NELL1: variants seen among roughly 807,000 people sequenced by gnomAD.
NELL1 encodes the protein protein kinase C-binding protein NELL1.
In NELL1, 76 loss-of-function variants were observed where a neutral mutation model predicts 107.4. That is an observed-to-expected ratio of 0.71 (90% CI 0.59 to 0.86). NELL1 has a LOEUF of 0.86. Ranked by LOEUF, NELL1 falls within the 40% of genes least tolerant of loss-of-function variation. The pLI, the probability that NELL1 is intolerant of heterozygous loss-of-function variation, is 0.00. For synonymous variants in NELL1, 353 were observed against 341.2 expected (o/e 1.03, Z -0.38); for missense variants, 1,024 against 1,005.5 (o/e 1.02, Z -0.25).
At chr11:21,519,143 A>G (rs1443852434) in intron 15 of NELL1, among the ~76,000 whole-genome samples, 1 of 152,168 alleles carries the variant, frequency 6.6e-6, no homozygotes, top group Non-Finnish European at 1.5e-5. Flanking sequence ...TCATTTAACC[A>G]TGAAAGTCAA....
intron 12 of NELL1, among the ~76,000 whole-genome samples, chr11:21,108,286 T>C (rs1370388918): frequency 6.6e-6 from 1 of 152,172 alleles, no homozygotes; most frequent in African/African-American, 2.4e-5. Flanking sequence ...TTAATGATGA[T>C]GATGCCAAAT....
intron 2 of NELL1, among the ~76,000 whole-genome samples, chr11:20,694,547 G>C (rs1040685092): frequency 6.6e-6 from 1 of 151,896 alleles, no homozygotes; most frequent in Non-Finnish European, 1.5e-5. Flanking sequence ...ACTTATCTTT[G>C]TCCATTTAGT....
chr11:21,384,771 T>C (rs149117500), intron 15 of NELL1, among the ~76,000 whole-genome samples: 1,900 of 152,110 alleles, frequency 0.012, 47 homozygotes, highest in African/African-American at 0.042. Context: ...ACAAAGGACA[T>C]GAACTCATCA....
At chr11:21,343,252 TA>T (rs1850614797) in intron 14 of NELL1, among the ~76,000 whole-genome samples, 1 of 152,010 alleles carries the variant, frequency 6.6e-6, no homozygotes, top group South Asian at 2.1e-4. Flanking sequence ...TCTTAAGACT[TA>T]TATAATTCAG....
intron 2 of NELL1, among the ~76,000 whole-genome samples, chr11:20,744,269 A>G (rs1855953811): frequency 6.6e-6 from 1 of 151,446 alleles, no homozygotes; most frequent in African/African-American, 2.5e-5. Flanking sequence ...TGAAGTGCAA[A>G]CTAAAGACTT....
At chr11:20,897,416 G>A (rs1849765221) in intron 5 of NELL1, among the ~76,000 whole-genome samples, 1 of 152,162 alleles carries the variant, frequency 6.6e-6, no homozygotes, top group Non-Finnish European at 1.5e-5. Context: ...ATTAATTCAA[G>A]ATGGATTAAA....
rs573011793 is a variant in NELL1 at position 21,178,298 on chromosome 11, C to T, written c.1427-51034C>T. Among the ~76,000 whole-genome samples, 6 of 151,930 alleles carry T rather than the reference C, an allele frequency of 3.9e-5. No individual in the cohort carries two copies. The South Asian group carries it at 1.2e-3, about 31-fold the overall frequency. ...TTTAATGAGACTTGATCCTCATCTT[C>T]AAGGAATTTGTAATCTAATTGAACA... On this transcript the variant is annotated intron_variant, in intron 13 of 19. Coordinates refer to ENST00000357134, the MANE Select transcript of NELL1 (RefSeq NM_006157.5).
chr11:20,804,064 C>CAT (rs55678470), intron 3 of NELL1, among the ~76,000 whole-genome samples: 147,475 of 149,518 alleles, frequency 0.99, 72,735 homozygotes, highest in East Asian at 1. Flanking sequence ...ATTTAATAAA[C>CAT]ATATATATAT....
intron 2 of NELL1, among the ~76,000 whole-genome samples, chr11:20,754,035 G>C (rs1477999942): frequency 6.6e-6 from 1 of 152,190 alleles, no homozygotes; most frequent in Non-Finnish European, 1.5e-5. Flanking sequence ...TGATGGACCA[G>C]ACCTGAACCC....
At chr11:21,571,228 G>A (rs1857094425) in intron 18 of NELL1, among the ~76,000 whole-genome samples, 1 of 151,870 alleles carries the variant, frequency 6.6e-6, no homozygotes, top group Non-Finnish European at 1.5e-5. Flanking sequence ...AAGAAAGGAA[G>A]CTTTCAAAAC....
At chr11:21,086,321 G>A (rs1448475882) in intron 12 of NELL1, among the ~76,000 whole-genome samples, 1 of 152,034 alleles carries the variant, frequency 6.6e-6, no homozygotes, top group Admixed American at 6.6e-5. Flanking sequence ...ATTAAACAAA[G>A]TTTTTACTTT....
At chr11:21,319,097 C>T (rs1849944751) in intron 14 of NELL1, among the ~76,000 whole-genome samples, 1 of 151,630 alleles carries the variant, frequency 6.6e-6, no homozygotes. Context: ...TAAGTAGAGC[C>T]TCGTTTAACT....
intron 3 of NELL1, among the ~76,000 whole-genome samples, chr11:20,807,515 G>A (rs951483437): frequency 8.5e-5 from 13 of 152,200 alleles, no homozygotes; most frequent in African/African-American, 3.1e-4. Flanking sequence ...ACAACACTGG[G>A]TCTTGCCCAA....
chr11:21,223,409 G>T (rs76944274), intron 13 of NELL1, among the ~76,000 whole-genome samples: 1 of 151,324 alleles, frequency 6.6e-6, no homozygotes, highest in African/African-American at 2.4e-5. Context: ...ATATCTATTT[G>T]TGTGGAATAT....
intron 15 of NELL1, among the ~76,000 whole-genome samples, chr11:21,435,073 G>GT (rs1019287660): frequency 6.6e-6 from 1 of 151,800 alleles, no homozygotes; most frequent in Non-Finnish European, 1.5e-5. Flanking sequence ...TTCTAAGAGG[G>GT]TTTTTTTGTG....
At chr11:21,474,284 T>C (rs999570943) in intron 15 of NELL1, among the ~76,000 whole-genome samples, 1 of 152,062 alleles carries the variant, frequency 6.6e-6, no homozygotes, top group African/African-American at 2.4e-5. Context: ...GCCCTGTGGT[T>C]CTCACTCTCT....
At chr11:20,959,995 G>T (rs1156669526) in intron 11 of NELL1, among the ~76,000 whole-genome samples, 3 of 152,124 alleles carry the variant, frequency 2.0e-5, no homozygotes, top group Non-Finnish European at 4.4e-5. Context: ...ATCTCTAGTG[G>T]CTGGGAGGGA....
rs548355779 is a variant in NELL1, at chr11:21,375,365, G to A, written c.1645+4417G>A. Reference sequence around the variant, plus strand: ...TAATGGCTTCCAATTTCATCCATGTGTCTGCAAAGGACATGATTTCATTCT... The same window carrying A: ...TAATGGCTTCCAATTTCATCCATGTATCTGCAAAGGACATGATTTCATTCT... On this transcript the variant is annotated intron_variant, in intron 15 of 19. Coordinates refer to ENST00000357134, the MANE Select transcript of NELL1 (RefSeq NM_006157.5). Among the ~76,000 whole-genome samples the A allele has an allele frequency of 2.6e-5, 4 of 152,114 alleles. No homozygotes were observed. The South Asian group carries it at 8.3e-4, about 32-fold the overall frequency.
At chr11:21,002,912 C>A (rs1394157821) in intron 12 of NELL1, among the ~76,000 whole-genome samples, 1 of 151,992 alleles carries the variant, frequency 6.6e-6, no homozygotes, top group African/African-American at 2.4e-5. Flanking sequence ...ATCTTAATTC[C>A]CCCAATTCCT....
Sources: gnomAD v4.1 joint callset for allele counts (sites outside exome capture counted in the v4.1 genomes callset) on GRCh38, gnomAD v4.1.1 for gene constraint, MANE v1.5 for transcripts, NCBI Gene and HGNC (gene_info 2026-07-23, HGNC 2026-07-21) for gene names.